The following PLCH1 variants were observed in gnomAD, a reference collection of about 807,000 sequenced individuals.
PLCH1 encodes 1-phosphatidylinositol 4,5-bisphosphate phosphodiesterase eta-1.
In PLCH1, 60 loss-of-function variants were observed where a neutral mutation model predicts 126.7. That is an observed-to-expected ratio of 0.47 (90% CI 0.38 to 0.59). The LOEUF (loss-of-function observed/expected upper bound fraction) is 0.59. PLCH1 is among the 20% of genes least tolerant of loss of function. The pLI is 0.00. For synonymous variants in PLCH1, 719 were observed against 734.9 expected (o/e 0.98, Z 0.35); for missense variants, 1,723 against 2,040.0 (o/e 0.84, Z 2.99).
chr3:155,566,725 GT>G (rs1221932155), intron 7 of PLCH1, among the ~76,000 whole-genome samples: 1 of 152,006 alleles, frequency 6.6e-6, no homozygotes, highest in African/African-American at 2.4e-5. Context: ...AACCCTATCA[GT>G]TTTTTTACAA....
intron 1 of PLCH1, among the ~76,000 whole-genome samples, chr3:155,725,279 A>G (rs1455359620): frequency 1.3e-5 from 2 of 152,104 alleles, no homozygotes; most frequent in East Asian, 1.9e-4. Context: ...TATCTTTCTG[A>G]TAAGTTGAGA....
intron 1 of PLCH1, among the ~76,000 whole-genome samples, chr3:155,739,448 C>T (rs1472701359): frequency 6.6e-6 from 1 of 152,078 alleles, no homozygotes; most frequent in African/African-American, 2.4e-5. Flanking sequence ...ACCTAAACAC[C>T]ACTTCCAAAA....
At chr3:155,705,913 C>A (rs548431637) in intron 1 of PLCH1, among the ~76,000 whole-genome samples, 1 of 152,220 alleles carries the variant, frequency 6.6e-6, no homozygotes, top group South Asian at 2.1e-4. Flanking sequence ...CAGTGGCTCA[C>A]GCCTGTAATC....
At chr3:155,562,245 C>T (rs1228233218) in intron 8 of PLCH1, among the ~76,000 whole-genome samples, 1 of 152,204 alleles carries the variant, frequency 6.6e-6, no homozygotes, top group Admixed American at 6.5e-5. Context: ...CCATGATGCT[C>T]ACCCATGACA....
intron 1 of PLCH1, among the ~76,000 whole-genome samples, chr3:155,738,765 C>A (rs1281652101): frequency 6.8e-6 from 1 of 146,556 alleles, no homozygotes; most frequent in Non-Finnish European, 1.5e-5. Context: ...CCAGCCTGGA[C>A]AACAGAGCGA....
chr3:155,647,402 C>T (rs74405947), intron 2 of PLCH1, among the ~76,000 whole-genome samples: 2,021 of 151,670 alleles, frequency 0.013, 40 homozygotes, highest in African/African-American at 0.046. Context: ...GGGGACAGCA[C>T]TATCAAGCAG....
chr3:155,676,109 T>C, intron 2 of PLCH1: 1 of 1,414,790 alleles, frequency 7.1e-7, no homozygotes, highest in East Asian at 2.7e-5. Context: ...AGCCTTTTCC[T>C]GATACACATT....
intron 3 of PLCH1, 64 bp downstream of exon 3, chr3:155,596,168 C>T (rs1732954866): frequency 8.4e-7 from 1 of 1,187,798 alleles, no homozygotes; most frequent in African/African-American, 1.5e-5. Flanking sequence ...CTTCAAGAGC[C>T]CACTCAGTAT....
intron 21 of PLCH1, among the ~76,000 whole-genome samples, chr3:155,463,908 C>T (rs73874807): frequency 0.056 from 8,532 of 152,288 alleles, 429 homozygotes; most frequent in African/African-American, 0.14. Context: ...TTTACTCTCA[C>T]ATTTTCCCTA....
At chr3:155,730,328 C>T (rs1484712722) in intron 1 of PLCH1, among the ~76,000 whole-genome samples, 10 of 151,720 alleles carry the variant, frequency 6.6e-5, no homozygotes, top group South Asian at 2.1e-4. Flanking sequence ...TTCACCCAGG[C>T]GGGAGTGCAG....
At chr3:155,653,124 TATAGATA>T (rs940585856) in intron 2 of PLCH1, among the ~76,000 whole-genome samples, 2 of 3,822 alleles carry the variant, frequency 5.2e-4, no homozygotes, top group Middle Eastern at 0.1. Context: ...TGTAGATAGA[TATAGATA>T]TAGATATAGA....
intron 1 of PLCH1, among the ~76,000 whole-genome samples, chr3:155,714,523 T>A (rs371880521): frequency 6.6e-6 from 1 of 152,202 alleles, no homozygotes; most frequent in African/African-American, 2.4e-5. Flanking sequence ...CTCCCAGCTA[T>A]GTACACAAAG....
rs1397969911 is a variant in PLCH1, at chr3:155,601,204, C to T, written c.80-4826G>A. On this transcript the variant is annotated intron_variant, in intron 2 of 22. Transcript: ENST00000460012. ...GTGTTAGCCAGTATGGTCTTGACCT[C>T]CTGACCTCGTGATCCACCCGCCTTG... 2.6e-5 allele frequency among the ~76,000 whole-genome samples: 4 copies of T among 152,280 alleles called. No individual in the cohort carries two copies. In the East Asian group the frequency reaches 7.7e-4, roughly 29 times the overall value.
At chr3:155,533,756 AG>A (rs1334443434) in intron 10 of PLCH1, among the ~76,000 whole-genome samples, 1 of 152,224 alleles carries the variant, frequency 6.6e-6, no homozygotes, top group Non-Finnish European at 1.5e-5. Context: ...GGCCAAGCCC[AG>A]GGCCCTGCTA....
chr3:155,549,701 TC>T, intron 10 of PLCH1, 85 bp downstream of exon 10: 2 of 901,166 alleles, frequency 2.2e-6, no homozygotes, highest in Non-Finnish European at 3.4e-6. Flanking sequence ...ATTATTATTC[TC>T]CCTTGAAACC....
At chr3:155,513,791 G>A (rs1353488722) in intron 12 of PLCH1, among the ~76,000 whole-genome samples, 1 of 152,156 alleles carries the variant, frequency 6.6e-6, no homozygotes, top group Non-Finnish European at 1.5e-5. Context: ...TCAGAGGTAA[G>A]TTCTCACTGG....
intron 4 of PLCH1, 107 bp from the exon 5 acceptor site, chr3:155,586,301 A>C: frequency 8.5e-7 from 1 of 1,174,572 alleles, no homozygotes; most frequent in Non-Finnish European, 1.2e-6. Flanking sequence ...CTTGAGAAGA[A>C]ATTATTTTGA....
intron 21 of PLCH1, among the ~76,000 whole-genome samples, chr3:155,467,446 C>T (rs1055694470): frequency 2.0e-5 from 3 of 151,798 alleles, no homozygotes; most frequent in Non-Finnish European, 4.4e-5. Context: ...TGGTGGTGCG[C>T]ACCTGTAATC....
At chr3:155,539,482 A>G (rs1450326895) in intron 10 of PLCH1, among the ~76,000 whole-genome samples, 1 of 152,188 alleles carries the variant, frequency 6.6e-6, no homozygotes, top group Admixed American at 6.5e-5. Context: ...TTCGCTGATG[A>G]TATGGTTGTA....
Sources: allele counts gnomAD v4.1 joint callset (sites outside exome capture counted in the v4.1 genomes callset), GRCh38; gene constraint gnomAD v4.1.1; transcripts MANE v1.5; gene names NCBI Gene and HGNC (gene_info 2026-07-23, HGNC 2026-07-21).